The following GALNTL6 variants were observed in gnomAD, a reference collection of about 807,000 sequenced individuals.
The protein encoded by GALNTL6 is polypeptide N-acetylgalactosaminyltransferase like 6.
GALNTL6 carries 46 observed loss-of-function variants against 73.7 expected under a neutral mutation model. That is an observed-to-expected ratio of 0.62 (90% confidence interval 0.49 to 0.80). The LOEUF (loss-of-function observed/expected upper bound fraction) is 0.80. Ranked by LOEUF, GALNTL6 falls within the 30% of genes least tolerant of loss-of-function variation. The pLI is 0.00. For missense variants in GALNTL6, 604 were observed against 755.0 expected (o/e 0.80, Z 2.34); for synonymous variants, 259 against 263.7 (o/e 0.98, Z 0.17).
chr4:172,656,424 G>A (rs1731015816), intron 5 of GALNTL6, among the ~76,000 whole-genome samples: 1 of 152,220 alleles, frequency 6.6e-6, no homozygotes, highest in African/African-American at 2.4e-5. Context: ...TTGGTCTGAT[G>A]TGGCTACAGT....
chr4:172,852,625 G>C (rs1743895998), intron 7 of GALNTL6, among the ~76,000 whole-genome samples: 1 of 152,052 alleles, frequency 6.6e-6, no homozygotes, highest in African/African-American at 2.4e-5. Context: ...ACAATGAGAA[G>C]TCAGTGGATC....
At chr4:172,012,602 T>G (rs1741048332) in intron 2 of GALNTL6, among the ~76,000 whole-genome samples, 1 of 152,028 alleles carries the variant, frequency 6.6e-6, no homozygotes, top group Non-Finnish European at 1.5e-5. Context: ...CTCCTGAGGT[T>G]TTCACAGCTC....
intron 2 of GALNTL6, among the ~76,000 whole-genome samples, chr4:172,039,944 A>C (rs553682028): frequency 6.6e-6 from 1 of 152,086 alleles, no homozygotes; most frequent in Non-Finnish European, 1.5e-5. Flanking sequence ...CAAAAAAAAA[A>C]TTTACTTTGC....
intron 7 of GALNTL6, among the ~76,000 whole-genome samples, chr4:172,834,801 A>T (rs552427923): frequency 6.6e-6 from 1 of 152,356 alleles, no homozygotes; most frequent in African/African-American, 2.4e-5. Context: ...AGGAGCCTGA[A>T]GCAAAGCAGG....
chr4:172,288,788 G>A (rs755566646), intron 3 of GALNTL6, among the ~76,000 whole-genome samples: 2 of 152,000 alleles, frequency 1.3e-5, no homozygotes, highest in Non-Finnish European at 1.5e-5. Context: ...ATTGTAACTC[G>A]ACTATTGGCT....
At chr4:172,105,644 AT>A (rs1251592130) in intron 2 of GALNTL6, among the ~76,000 whole-genome samples, 7 of 152,106 alleles carry the variant, frequency 4.6e-5, no homozygotes, top group African/African-American at 1.7e-4. Flanking sequence ...AGGGGCATCA[AT>A]TTTTTATTAG....
intron 7 of GALNTL6, among the ~76,000 whole-genome samples, chr4:172,844,542 T>C (rs1703191196): frequency 6.6e-6 from 1 of 152,214 alleles, no homozygotes; most frequent in African/African-American, 2.4e-5. Context: ...GGGTTTCAAG[T>C]TAAAATTAAT....
intron 2 of GALNTL6, among the ~76,000 whole-genome samples, chr4:172,088,190 T>A (rs1732102663): frequency 6.6e-6 from 1 of 152,210 alleles, no homozygotes; most frequent in Non-Finnish European, 1.5e-5. Flanking sequence ...TTGCTATTCA[T>A]TTTGAACCAC....
At chr4:172,039,956 T>C (rs1165984125) in intron 2 of GALNTL6, among the ~76,000 whole-genome samples, 1 of 152,130 alleles carries the variant, frequency 6.6e-6, no homozygotes, top group Non-Finnish European at 1.5e-5. Context: ...TTACTTTGCA[T>C]TTAAATGATA....
intron 3 of GALNTL6, among the ~76,000 whole-genome samples, chr4:172,276,061 C>A (rs1345812992): frequency 6.6e-6 from 1 of 152,184 alleles, no homozygotes; most frequent in African/African-American, 2.4e-5. Context: ...TCTTTATCTT[C>A]TTTCACATCA....
rs71592081 is a variant in GALNTL6, at chr4:172,559,058, AT to A, written c.553+210395del. ...GTAAGGATGATGATAATGATAATGG[AT>A]TTTTTTTTTTTTTTTTTTTTTTTTT... On this transcript the variant is annotated intron_variant, in intron 5 of 12. Coordinates refer to ENST00000506823, the MANE Select transcript of GALNTL6 (RefSeq NM_001034845.3). Among the ~76,000 whole-genome samples the A allele has an allele frequency of 4.8e-3, 370 of 77,308 alleles. 2 individuals carry two copies. Among genetic ancestry groups the A allele is most frequent in the African/African-American group, 0.018 (333 of 18,628 alleles). The allele number at this position is 77,308 out of a possible 152,430, so 50.7% of individuals were successfully genotyped here. A position where few individuals can be genotyped will look rare whatever the true frequency, so the allele number is the denominator to read the frequency against.
chr4:171,867,002 A>G (rs1426707545), intron 2 of GALNTL6, among the ~76,000 whole-genome samples: 1 of 152,184 alleles, frequency 6.6e-6, no homozygotes, highest in Non-Finnish European at 1.5e-5. Context: ...ATAAACTAAT[A>G]ATTATTATCT....
intron 2 of GALNTL6, among the ~76,000 whole-genome samples, chr4:172,179,790 G>C (rs926246100): frequency 4.6e-5 from 7 of 152,016 alleles, no homozygotes; most frequent in Admixed American, 1.3e-4. Context: ...ATGGTTTTAG[G>C]TCTAACATTT....
intron 10 of GALNTL6, among the ~76,000 whole-genome samples, chr4:173,007,425 A>G (rs193065437): frequency 1.3e-5 from 2 of 152,324 alleles, no homozygotes; most frequent in East Asian, 3.9e-4. Flanking sequence ...TACACACCTA[A>G]ATAGCAAACT....
intron 7 of GALNTL6, among the ~76,000 whole-genome samples, chr4:172,826,631 C>A (rs149952589): frequency 6.6e-6 from 1 of 152,276 alleles, no homozygotes; most frequent in East Asian, 1.9e-4. Flanking sequence ...AGGTGTGCAG[C>A]CTGTGGGGAT....
At chr4:171,867,863 A>G (rs1736012438) in intron 2 of GALNTL6, among the ~76,000 whole-genome samples, 1 of 152,190 alleles carries the variant, frequency 6.6e-6, no homozygotes, top group African/African-American at 2.4e-5. Context: ...CTTTATTCAT[A>G]CTAACATTAT....
At chr4:172,549,331 C>T (rs192774733) in intron 5 of GALNTL6, among the ~76,000 whole-genome samples, 1 of 152,252 alleles carries the variant, frequency 6.6e-6, no homozygotes, top group East Asian at 1.9e-4. Flanking sequence ...GACACTCTTA[C>T]CACATTGTAC....
intron 7 of GALNTL6, among the ~76,000 whole-genome samples, chr4:172,825,659 G>A (rs1463290619): frequency 6.6e-6 from 1 of 152,036 alleles, no homozygotes; most frequent in Non-Finnish European, 1.5e-5. Context: ...GCAAAGTGGT[G>A]GATAAGGTAA....
chr4:171,926,592 T>A (rs554751539), intron 2 of GALNTL6, among the ~76,000 whole-genome samples: 1 of 152,160 alleles, frequency 6.6e-6, no homozygotes, highest in Admixed American at 6.5e-5. Flanking sequence ...TGAGTTCCCA[T>A]TTCCTGTCTC....
Sources: allele counts gnomAD v4.1 joint callset (sites outside exome capture counted in the v4.1 genomes callset), GRCh38; gene constraint gnomAD v4.1.1; transcripts MANE v1.5; gene names NCBI Gene and HGNC (gene_info 2026-07-23, HGNC 2026-07-21).